The following PPM1E variants were observed in gnomAD, a reference collection of about 807,000 sequenced individuals.
The protein encoded by PPM1E is protein phosphatase, Mg2+/Mn2+ dependent 1E.
PPM1E carries 20 observed loss-of-function variants against 65.9 expected under a neutral mutation model. The ratio of observed to expected loss-of-function variants is 0.30; its 90% CI spans 0.21 to 0.44. The LOEUF (loss-of-function observed/expected upper bound fraction) is 0.44, where lower values mean the gene tolerates loss of function less well. PPM1E is among the 20% of genes least tolerant of loss of function. The pLI is 1.00. For missense variants in PPM1E, 713 were observed against 953.1 expected, an observed-to-expected ratio of 0.75 and a Z score of 3.32; for synonymous variants, 352 against 374.9, an observed-to-expected ratio of 0.94 and a Z score of 0.70.
In PPM1E at chr17:58,894,992, G is replaced by A. The variant is rs183223913; in HGVS notation, c.465-60657G>A. On this transcript the variant is annotated intron_variant, in intron 1 of 6. Coordinates refer to ENST00000308249, the MANE Select transcript of PPM1E (RefSeq NM_014906.5). ...TGGCAACTCTATGTTCAACAAGTCC[G>A]TTGGCACCACTTTTTCAACAGCGTG... 2.1e-4 allele frequency among the ~76,000 whole-genome samples: 32 copies of A among 152,166 alleles called. 1 individual carries two copies. Among genetic ancestry groups the A allele is most frequent in the Non-Finnish European group, 3.8e-4 (26 of 68,004 alleles).
chr17:58,784,077 C>T (rs929124322), intron 1 of PPM1E, among the ~76,000 whole-genome samples: 2 of 151,822 alleles, frequency 1.3e-5, no homozygotes, highest in African/African-American at 4.8e-5. Context: ...GGCTGAAGTG[C>T]AGTGGCTCAG....
At chr17:58,761,491 T>G (rs1373731018) in intron 1 of PPM1E, among the ~76,000 whole-genome samples, 1 of 152,236 alleles carries the variant, frequency 6.6e-6, no homozygotes, top group Non-Finnish European at 1.5e-5. Context: ...TCATCCCAGC[T>G]CTACCCCTCC....
intron 1 of PPM1E, among the ~76,000 whole-genome samples, chr17:58,759,419 G>A (rs1352179559): frequency 3.3e-5 from 5 of 152,176 alleles, no homozygotes; most frequent in African/African-American, 1.2e-4. Context: ...TTGTAAATAA[G>A]GGTATAACTG....
chr17:58,801,511 G>A (rs368384251), intron 1 of PPM1E, among the ~76,000 whole-genome samples: 4 of 145,780 alleles, frequency 2.7e-5, no homozygotes, highest in Non-Finnish European at 4.5e-5. Context: ...GCACGATCTC[G>A]GCTCACTGCA....
chr17:58,903,907 T>C (rs1470189681), intron 1 of PPM1E, among the ~76,000 whole-genome samples: 1 of 152,154 alleles, frequency 6.6e-6, no homozygotes, highest in Non-Finnish European at 1.5e-5. Flanking sequence ...AATATATAAT[T>C]GTGGAGGACT....
chr17:58,984,645 T>A lies in PPM1E; in HGVS notation c.*3614T>A, dbSNP rs1267621193. On this transcript the variant is annotated 3_prime_UTR_variant, in exon 7 of 7. Transcript: ENST00000308249. ...AGGACAAATGCCCACTCTTCTATTC[T>A]GATCTGCAAATAGCTTAAATGTCTC... The A allele has an allele frequency of 2.0e-5, 3 of 152,630 alleles. No individual in the cohort carries two copies. Among genetic ancestry groups the A allele is most frequent in the African/African-American group, 7.2e-5 (3 of 41,464 alleles). The allele number at this position is 152,630 out of a possible 1,614,324, so 9.5% of individuals were successfully genotyped here.
At chr17:58,834,353 T>G (rs1435027771) in intron 1 of PPM1E, among the ~76,000 whole-genome samples, 1 of 152,174 alleles carries the variant, frequency 6.6e-6, no homozygotes, top group African/African-American at 2.4e-5. Flanking sequence ...TGTGGCTTCT[T>G]TTCTCATTTT....
rs563168538 is a variant in PPM1E at position 58,883,743 on chromosome 17, C to T, written c.465-71906C>T. Among the ~76,000 whole-genome samples the T allele has an allele frequency of 9.7e-4, 148 of 151,908 alleles. 1 individual carries two copies. Among genetic ancestry groups the T allele is most frequent in the African/African-American group, 3.5e-3 (143 of 41,404 alleles). The stretch of plus-strand genomic sequence containing the variant: ...CTCGTGATCCGCCCGCCTCGGCCTC[C>T]CAAAGTGCTGGGATTACAGGCGTGA... On this transcript the variant is annotated intron_variant, in intron 1 of 6. Coordinates refer to ENST00000308249, the MANE Select transcript of PPM1E (RefSeq NM_014906.5).
intron 1 of PPM1E, chr17:58,951,211 G>A (rs984171644): frequency 6.6e-6 from 1 of 152,276 alleles, no homozygotes; most frequent in African/African-American, 2.4e-5. Flanking sequence ...CATGCCTATA[G>A]TCCTGGCTCC....
rs1291085570 is a variant in PPM1E, at chr17:58,969,606, C to G, written c.851C>G (p.Ala284Gly). Residue 284 changes from alanine to glycine, a missense_variant, in exon 4 of 7, where the codon GCC becomes GGC. Physicochemically the swap from Ala to Gly is moderately conservative, Grantham distance 60 (BLOSUM62 0). This residue lies in a region of PPM1E where 25 missense variants were observed against 73.9 expected (regional missense o/e 0.34). Transcript: ENST00000308249. Reference protein sequence around the residue: ...GHGGVDAAIYASIHLHVNLVR... With the variant: ...GHGGVDAAIYGSIHLHVNLVR... ...GGGGGAGTAGATGCTGCTATTTATG[C>G]CTCCATTCACCTCCACGTTAACTTA... 6.2e-7 allele frequency: 1 copy of G among 1,613,990 alleles called. No individual in the cohort carries two copies. Among genetic ancestry groups the G allele is most frequent in the Non-Finnish European group, 8.5e-7 (1 of 1,180,016 alleles).
At chr17:58,793,396 C>G (rs756588276) in intron 1 of PPM1E, among the ~76,000 whole-genome samples, 11 of 151,352 alleles carry the variant, frequency 7.3e-5, no homozygotes, top group Non-Finnish European at 1.2e-4. Flanking sequence ...TGCTCTGTCA[C>G]CCAGGCTGGA....
At chr17:58,768,259 A>G (rs1291111298) in intron 1 of PPM1E, among the ~76,000 whole-genome samples, 1 of 151,800 alleles carries the variant, frequency 6.6e-6, no homozygotes, top group Middle Eastern at 3.2e-3. Context: ...GCTATTTTTT[A>G]AAATAGAGAT....
intron 1 of PPM1E, chr17:58,785,621 T>A (rs2144226988): frequency 6.6e-6 from 1 of 151,458 alleles, no homozygotes; most frequent in East Asian, 1.9e-4. Flanking sequence ...TAACTTTTAT[T>A]TTTTATAAAA....
At position 58,980,546 on chromosome 17, in the gene PPM1E, G is replaced by A. The variant is rs2031293993; in HGVS notation, c.1783G>A (p.Gly595Ser). The A allele has an allele frequency of 6.2e-7, 1 of 1,614,114 alleles. No individual in the cohort carries two copies. The highest frequency in any genetic ancestry group is 8.5e-7 in the Non-Finnish European group (1 of 1,180,006). Residue 595 changes from glycine (G) to serine (S), a missense_variant, in exon 7 of 7, where the codon GGT becomes AGT. By Grantham distance (56) the Gly-to-Ser change is moderately conservative. Around this residue, in one of 6 missense-constraint regions of PPM1E, gnomAD observed 286 missense variants for 313.8 expected, o/e 0.91. Coordinates refer to ENST00000308249, the MANE Select transcript of PPM1E (RefSeq NM_014906.5). This position sits in a 1 kb window ranked among gnomAD's most constrained non-coding sequence, Gnocchi z 4.7. ...FLLPVEMFGPGAPKKANLINE... is the reference protein window; with the variant it reads ...FLLPVEMFGPSAPKKANLINE... Reference sequence around the variant, plus strand: ...GCTACCAGTTGAGATGTTTGGTCCTGGTGCACCAAAGAAAGCAAATCTTAT... The same window carrying A: ...GCTACCAGTTGAGATGTTTGGTCCTAGTGCACCAAAGAAAGCAAATCTTAT...
chr17:58,807,143 T>C (rs2050323865), intron 1 of PPM1E, among the ~76,000 whole-genome samples: 1 of 152,222 alleles, frequency 6.6e-6, no homozygotes, highest in East Asian at 1.9e-4. Context: ...ATTGTTGAAC[T>C]TGGATACATG....
intron 1 of PPM1E, among the ~76,000 whole-genome samples, chr17:58,808,467 A>G (rs916120774): frequency 1.3e-5 from 2 of 151,746 alleles, no homozygotes; most frequent in African/African-American, 2.4e-5. Flanking sequence ...TAATTTTACA[A>G]TTTTCTTTAT....
intron 1 of PPM1E, among the ~76,000 whole-genome samples, chr17:58,909,924 C>CTTTTTTT (rs35833275): frequency 0.036 from 3,209 of 89,864 alleles, 4 homozygotes; most frequent in Non-Finnish European, 0.043. Flanking sequence ...TTTTCTTTTT[C>CTTTTTTT]TTTTTTTTTT....
rs571195318 is a variant in PPM1E, at chr17:58,769,431, C to T, written c.464+12970C>T. On this transcript the variant is annotated intron_variant, in intron 1 of 6. Transcript: ENST00000308249. ...GCAACATGACAAAACCCTGTCTCTA[C>T]CAAAAAAATACAAAAATTAGCTGGG... is the stretch of plus-strand genomic sequence containing the variant. Among the ~76,000 whole-genome samples, 5 of 152,030 alleles carry T rather than the reference C, an allele frequency of 3.3e-5. No homozygotes were observed. In the South Asian group the frequency reaches 1.0e-3, roughly 32 times the overall value.
chr17:58,856,453 G>C (rs2050883610), intron 1 of PPM1E, among the ~76,000 whole-genome samples: 2 of 152,046 alleles, frequency 1.3e-5, no homozygotes, highest in Non-Finnish European at 2.9e-5. Flanking sequence ...GGTCAGGCTG[G>C]TCATGATATA....
Sources: gnomAD v4.1 joint callset for allele counts (sites outside exome capture counted in the v4.1 genomes callset) on GRCh38, gnomAD v4.1.1 for gene constraint, gnomAD v4.1.1 regional missense constraint, Gnocchi (gnomAD v3.1) non-coding constraint, MANE v1.5 for transcripts, NCBI Gene and HGNC (gene_info 2026-07-23, HGNC 2026-07-21) for gene names.